The following CDH11 variants were observed in gnomAD, a reference collection of about 807,000 sequenced individuals.
CDH11 encodes the protein cadherin 11.
In CDH11, 11 loss-of-function variants were observed where a neutral mutation model predicts 67.8. That is an observed-to-expected ratio of 0.16 (90% confidence interval 0.10 to 0.27). The LOEUF (loss-of-function observed/expected upper bound fraction) is 0.27, where lower values mean the gene tolerates loss of function less well. Among genes scored for constraint, CDH11 ranks in the 10% least tolerant of loss-of-function variants. The probability of loss-of-function intolerance (pLI) is 1.00; values close to 1 mark genes in which losing one functional copy is unlikely to be tolerated. For missense variants in CDH11, 847 were observed against 1,031.2 expected (o/e 0.82, Z 2.45); for synonymous variants, 419 against 400.0 (o/e 1.05, Z -0.57).
Position 64,946,586 on chromosome 16 carries a change from T to G in CDH11, c.*1017A>C. On this transcript the variant is annotated 3_prime_UTR_variant, in exon 13 of 13. Coordinates refer to ENST00000268603, the MANE Select transcript of CDH11 (RefSeq NM_001797.4). ...ACACCAAGAATGTACAAAAAAGCTT[T>G]ACATGATGTTACAGAATCTTGTCTG... 9.7e-7 allele frequency: 1 copy of G among 1,033,240 alleles called. No individual in the cohort carries two copies. Among genetic ancestry groups the G allele is most frequent in the South Asian group, 4.6e-5 (1 of 21,718 alleles). The allele number at this position is 1,033,240 out of a possible 1,614,324, so 64.0% of individuals were successfully genotyped here.
chr16:65,060,809 A>C (rs886914545), intron 1 of CDH11, among the ~76,000 whole-genome samples: 6 of 152,132 alleles, frequency 3.9e-5, no homozygotes, highest in African/African-American at 1.2e-4. Context: ...TAAAAAAAAA[A>C]CTTGACAATA....
At chr16:65,073,325 AC>A (rs763208590) in intron 1 of CDH11, among the ~76,000 whole-genome samples, 13 of 152,058 alleles carry the variant, frequency 8.5e-5, no homozygotes, top group Non-Finnish European at 1.6e-4. Context: ...TCCCTCTTTC[AC>A]CCAGGCTGGA....
At chr16:65,028,236 G>C (rs1456516830) in intron 2 of CDH11, among the ~76,000 whole-genome samples, 1 of 152,080 alleles carries the variant, frequency 6.6e-6, no homozygotes, top group Non-Finnish European at 1.5e-5. Context: ...GATTGCTCGG[G>C]GCTTTGAAGT....
At chr16:65,041,102 G>A (rs1369673421) in intron 2 of CDH11, among the ~76,000 whole-genome samples, 2 of 152,174 alleles carry the variant, frequency 1.3e-5, no homozygotes, top group African/African-American at 2.4e-5. Flanking sequence ...TACAGCCAGC[G>A]CCAAAGTGCT....
intron 8 of CDH11, among the ~76,000 whole-genome samples, chr16:64,973,796 ACT>A (rs990294660): frequency 1.3e-5 from 2 of 151,062 alleles, no homozygotes; most frequent in Non-Finnish European, 1.5e-5. Context: ...ACAGAGAAAG[ACT>A]CTGTCTCAGG....
chr16:65,048,749 T>A (rs977589537), intron 2 of CDH11, among the ~76,000 whole-genome samples: 1 of 152,050 alleles, frequency 6.6e-6, no homozygotes, highest in Non-Finnish European at 1.5e-5. Context: ...TATACACACA[T>A]ACATTATCTC....
chr16:65,007,626 C>CTAATTT (rs1414162457), intron 2 of CDH11, among the ~76,000 whole-genome samples: 1 of 152,142 alleles, frequency 6.6e-6, no homozygotes, highest in Non-Finnish European at 1.5e-5. Flanking sequence ...GAATCTGGCA[C>CTAATTT]TAATTTGCCA....
chr16:64,986,976 T>C (rs2072502842), intron 7 of CDH11: 1 of 152,216 alleles, frequency 6.6e-6, no homozygotes. Context: ...CTTTAGCTAC[T>C]GGCCTCTTTA....
chr16:65,061,808 T>C (rs867052155), intron 1 of CDH11, among the ~76,000 whole-genome samples: 2 of 152,238 alleles, frequency 1.3e-5, no homozygotes, highest in South Asian at 4.1e-4. Flanking sequence ...TTATGATGGC[T>C]AAAATTTATT....
In CDH11 at chr16:64,971,993, A is replaced by C; in HGVS notation, c.1462T>G (p.Phe488Val). The change falls in exon 10 of 13, where the codon TTT (phenylalanine) becomes GTT (valine). Residue 488 changes from phenylalanine (F) to valine (V), a missense_variant. Physicochemically the swap from Phe to Val is conservative, Grantham distance 50. Around this residue, in one of 2 missense-constraint regions of CDH11, gnomAD observed 612 missense variants for 678.7 expected, o/e 0.90. Transcript: ENST00000268603. ...VLDVNDNAPK[F>V]AAPYEGFICE... Reference sequence around the variant, plus strand: ...ATGAAACCTTCATAAGGGGCAGCAAACTTGGGAGCATTATCGTTGACATCA... The same window carrying C: ...ATGAAACCTTCATAAGGGGCAGCAACCTTGGGAGCATTATCGTTGACATCA... The C allele has an allele frequency of 6.2e-7, 1 of 1,613,924 alleles. No homozygotes were observed. Among genetic ancestry groups the C allele is most frequent in the East Asian group, 2.2e-5 (1 of 44,880 alleles).
At chr16:65,038,272 G>A (rs1254583014) in intron 2 of CDH11, among the ~76,000 whole-genome samples, 6 of 151,992 alleles carry the variant, frequency 3.9e-5, no homozygotes, top group East Asian at 3.9e-4. Context: ...ACTCCTCCAC[G>A]GGCTGTTTCG....
At chr16:65,052,314 A>T (rs1350145728) in intron 2 of CDH11, among the ~76,000 whole-genome samples, 1 of 152,212 alleles carries the variant, frequency 6.6e-6, no homozygotes, top group Non-Finnish European at 1.5e-5. Flanking sequence ...AGGCAATTAC[A>T]GTCCAATGTA....
chr16:65,033,246 A>ACACG (rs1190671720), intron 2 of CDH11, among the ~76,000 whole-genome samples: 1 of 139,482 alleles, frequency 7.2e-6, no homozygotes, highest in African/African-American at 2.5e-5. Flanking sequence ...AAACACACAC[A>ACACG]CACACACACA....
chr16:64,952,444 G>A (rs1161363575), intron 11 of CDH11, among the ~76,000 whole-genome samples: 1 of 152,164 alleles, frequency 6.6e-6, no homozygotes, highest in South Asian at 2.1e-4. Context: ...GCATAACTGT[G>A]TTCTGGGAAG....
intron 11 of CDH11, among the ~76,000 whole-genome samples, chr16:64,962,123 G>T (rs2071689622): frequency 6.6e-6 from 1 of 152,080 alleles, no homozygotes; most frequent in Non-Finnish European, 1.5e-5. Flanking sequence ...TTTTTATGTA[G>T]TTATTGCTCT....
intron 11 of CDH11, among the ~76,000 whole-genome samples, chr16:64,964,531 A>T (rs1360168863): frequency 6.6e-6 from 1 of 151,368 alleles, no homozygotes; most frequent in Non-Finnish European, 1.5e-5. Flanking sequence ...ACTACTGTAG[A>T]CTTATTTATT....
At chr16:65,107,463 G>C (rs989225795) in intron 1 of CDH11, among the ~76,000 whole-genome samples, 1 of 152,118 alleles carries the variant, frequency 6.6e-6, no homozygotes, top group African/African-American at 2.4e-5. Flanking sequence ...GACTGCCAGA[G>C]GGTACTCACA....
At chr16:65,045,847 A>G (rs1485884031) in intron 2 of CDH11, among the ~76,000 whole-genome samples, 4 of 152,180 alleles carry the variant, frequency 2.6e-5, no homozygotes, top group African/African-American at 9.6e-5. Context: ...GTCACCCAGT[A>G]GATCCTAGGG....
chr16:64,988,748 A>C (rs1331963381), intron 6 of CDH11, among the ~76,000 whole-genome samples: 1 of 152,182 alleles, frequency 6.6e-6, no homozygotes, highest in Non-Finnish European at 1.5e-5. Context: ...TATTGCGAAG[A>C]GCCCAGAAAA....
Sources: gnomAD v4.1 joint callset for allele counts (sites outside exome capture counted in the v4.1 genomes callset) on GRCh38, gnomAD v4.1.1 for gene constraint, gnomAD v4.1.1 regional missense constraint, MANE v1.5 for transcripts, NCBI Gene and HGNC (gene_info 2026-07-23, HGNC 2026-07-21) for gene names.